The following LMX1B variants were observed in gnomAD, a reference collection of about 807,000 sequenced individuals.
The protein encoded by LMX1B is LIM homeobox transcription factor 1-beta.
Under a neutral mutation model 51.4 loss-of-function variants are expected in LMX1B, and 12 were observed. That is an observed-to-expected ratio of 0.23 (90% CI 0.15 to 0.38). The LOEUF (loss-of-function observed/expected upper bound fraction) is 0.38. Ranked by LOEUF, LMX1B falls within the 10% of genes least tolerant of loss-of-function variation. LMX1B has a pLI of 1.00. For synonymous variants in LMX1B, 237 were observed against 235.4 expected, an observed-to-expected ratio of 1.01 and a Z score of -0.06; for missense variants, 445 against 571.1, an observed-to-expected ratio of 0.78 and a Z score of 2.25.
chr9:126,651,871 A>G (rs1209417810), intron 2 of LMX1B, among the ~76,000 whole-genome samples: 1 of 152,202 alleles, frequency 6.6e-6, no homozygotes, highest in Non-Finnish European at 1.5e-5. Context: ...CCCTATGAGT[A>G]GGACCCTACA....
intron 7 of LMX1B, 68 bp from the exon 8 acceptor site, chr9:126,696,225 CA>C (rs954274606): frequency 1.1e-4 from 159 of 1,470,016 alleles, no homozygotes; most frequent in Non-Finnish European, 1.4e-4. Context: ...ACACAGCCTA[CA>C]GGGCAAACAG....
chr9:126,679,857 C>T (rs1836640941), intron 2 of LMX1B, among the ~76,000 whole-genome samples: 1 of 152,218 alleles, frequency 6.6e-6, no homozygotes, highest in Non-Finnish European at 1.5e-5. Flanking sequence ...CACACATTCC[C>T]ATCCCAGCCC....
At position 126,618,881 on chromosome 9, in the gene LMX1B, G is replaced by A. The variant is rs1835355005; in HGVS notation, c.326+3312G>A. On this transcript the variant is annotated intron_variant, in intron 2 of 7. Transcript: ENST00000373474. The surrounding 1 kb of genome is among the most constrained non-coding windows in gnomAD (Gnocchi z 4.5). ...AGACAGCTCCCAGGTTTGGCGACCCGAGACCCGCTGGGGTGCAAGCGGGCG... is the reference window on the plus strand; with the variant it reads ...AGACAGCTCCCAGGTTTGGCGACCCAAGACCCGCTGGGGTGCAAGCGGGCG... Among the ~76,000 whole-genome samples the A allele has an allele frequency of 6.6e-6, 1 of 152,046 alleles. No homozygotes were observed. Among genetic ancestry groups the A allele is most frequent in the African/African-American group, 2.4e-5 (1 of 41,396 alleles).
rs1042388227 is a variant in LMX1B, at chr9:126,614,048, C to G, written c.-402C>G. ...CCCGGGACCCCGCTGCGCCGCGCGC[C>G]CCCCCCGCGGCCCGCGGGGCCGCCC... is the stretch of plus-strand genomic sequence containing the variant. On this transcript the variant is annotated 5_prime_UTR_variant, in exon 1 of 8. Coordinates refer to ENST00000373474, the MANE Select transcript of LMX1B (RefSeq NM_001174147.2). Among the ~76,000 whole-genome samples the G allele has an allele frequency of 7.4e-6, 1 of 134,274 alleles. No homozygotes were observed. The highest frequency in any genetic ancestry group is 2.7e-5 in the African/African-American group (1 of 37,518). 88.1% of individuals were successfully genotyped at this position (134,274 alleles called of 152,430 possible).
intron 2 of LMX1B, among the ~76,000 whole-genome samples, chr9:126,676,376 C>CT (rs1301313680): frequency 1.3e-5 from 2 of 152,214 alleles, no homozygotes; most frequent in African/African-American, 4.8e-5. Context: ...CTCCCAGTGG[C>CT]TTGTTCGCTG....
rs374516835 is a variant in LMX1B at position 126,618,273 on chromosome 9, G to A, written c.326+2704G>A. 1.5e-4 allele frequency among the ~76,000 whole-genome samples: 23 copies of A among 152,278 alleles called. 1 individual carries two copies. In the South Asian group the frequency reaches 4.8e-3, roughly 32 times the overall value. On this transcript the variant is annotated intron_variant, in intron 2 of 7. Coordinates refer to ENST00000373474, the MANE Select transcript of LMX1B (RefSeq NM_001174147.2). The surrounding 1 kb of genome is among the most constrained non-coding windows in gnomAD (Gnocchi z 4.5). ...AGTTGCAGGGCTCCGTCCTTAAAAA[G>A]AGGTTGCCATTTTTAGTAAATGTCT...
At chr9:126,642,391 AC>A in intron 2 of LMX1B, among the ~76,000 whole-genome samples, 1 of 151,846 alleles carries the variant, frequency 6.6e-6, no homozygotes, top group South Asian at 2.1e-4. Context: ...TCTTTCTTCC[AC>A]CCGCCCTCGG....
At chr9:126,691,517 G>A (rs535966476) in intron 3 of LMX1B, among the ~76,000 whole-genome samples, 10 of 152,232 alleles carry the variant, frequency 6.6e-5, no homozygotes, top group East Asian at 1.9e-4. Flanking sequence ...ACTAAACACC[G>A]GTCCACATGG....
chr9:126,657,716 T>C (rs1836146856), intron 2 of LMX1B, among the ~76,000 whole-genome samples: 1 of 152,228 alleles, frequency 6.6e-6, no homozygotes, highest in Non-Finnish European at 1.5e-5. Context: ...CAGGCAAGCA[T>C]TCGGCCACTA....
intron 2 of LMX1B, among the ~76,000 whole-genome samples, chr9:126,621,644 C>T (rs1205118575): frequency 1.1e-5 from 1 of 92,682 alleles, no homozygotes; most frequent in Non-Finnish European, 2.5e-5. Flanking sequence ...GTTTTTCTCT[C>T]TCTCTCTCTT....
chr9:126,664,478 G>C (rs1007270736), intron 2 of LMX1B, among the ~76,000 whole-genome samples: 1 of 152,224 alleles, frequency 6.6e-6, no homozygotes, highest in Non-Finnish European at 1.5e-5. Context: ...GAGCCAAGAG[G>C]TGTCACCTCC....
At chr9:126,668,585 C>T (rs1836389726) in intron 2 of LMX1B, among the ~76,000 whole-genome samples, 2 of 152,052 alleles carry the variant, frequency 1.3e-5, no homozygotes, top group African/African-American at 2.4e-5. Flanking sequence ...TCCTGAGTAG[C>T]TGGGATTACA....
At chr9:126,693,721 G>C in intron 5 of LMX1B, 25 bp from the exon 6 acceptor site, 1 of 1,567,732 alleles carries the variant, frequency 6.4e-7, no homozygotes, top group South Asian at 1.2e-5. Context: ...GGGCAGCACC[G>C]GCCTGAACTG....
At chr9:126,622,571 G>C (rs1459103774) in intron 2 of LMX1B, among the ~76,000 whole-genome samples, 2 of 152,220 alleles carry the variant, frequency 1.3e-5, no homozygotes, top group Admixed American at 6.5e-5. Context: ...GGTTGGGATG[G>C]GACAAGTTGG....
rs746619440 is a variant in LMX1B at position 126,673,325 on chromosome 9, G to A, written c.327-17511G>A. Among the ~76,000 whole-genome samples, 24 of 152,236 alleles carry A rather than the reference G, an allele frequency of 1.6e-4. No homozygotes were observed. Among genetic ancestry groups the A allele is most frequent in the Admixed American group, 3.3e-4 (5 of 15,298 alleles). On this transcript the variant is annotated intron_variant, in intron 2 of 7. Transcript: ENST00000373474. This position sits in a 1 kb window ranked among gnomAD's most constrained non-coding sequence, Gnocchi z 4.4. ...CCACAGAGGGTAGGGAGGGCTCTGC[G>A]TGCTGCTGGCTGGACTTCCTGGGCG... is the stretch of plus-strand genomic sequence containing the variant.
chr9:126,615,712 C>A lies in LMX1B; in HGVS notation c.326+143C>A, dbSNP rs978239333. The A allele has an allele frequency of 3.4e-5, 25 of 728,330 alleles. No individual in the cohort carries two copies. The highest frequency in any genetic ancestry group is 5.0e-5 in the Non-Finnish European group (24 of 483,184). The allele number at this position is 728,330 out of a possible 1,614,324, so 45.1% of individuals were successfully genotyped here. On this transcript the variant is annotated intron_variant, in intron 2 of 7. Transcript: ENST00000373474. The surrounding 1 kb of genome is among the most constrained non-coding windows in gnomAD (Gnocchi z 6.0). Reference sequence around the variant, plus strand: ...AGCTCCAAGGGTTCCGAGAGCTGCGCGTCTTGGGGCTGGGGCGGACCAGCC... The same window carrying A: ...AGCTCCAAGGGTTCCGAGAGCTGCGAGTCTTGGGGCTGGGGCGGACCAGCC...
At position 126,625,997 on chromosome 9, in the gene LMX1B, A is replaced by G. The variant is rs1466755030; in HGVS notation, c.326+10428A>G. ...AAAACCAAAAGCAAAACCAACACCCAGAAACGAAGCCTGCGTGCCCCCGGG... is the reference window on the plus strand; with the variant it reads ...AAAACCAAAAGCAAAACCAACACCCGGAAACGAAGCCTGCGTGCCCCCGGG... On this transcript the variant is annotated intron_variant, in intron 2 of 7. Coordinates refer to ENST00000373474, the MANE Select transcript of LMX1B (RefSeq NM_001174147.2). The surrounding 1 kb of genome is among the most constrained non-coding windows in gnomAD (Gnocchi z 5.3). Among the ~76,000 whole-genome samples the G allele has an allele frequency of 6.6e-6, 1 of 152,230 alleles. No homozygotes were observed. Among genetic ancestry groups the G allele is most frequent in the Non-Finnish European group, 1.5e-5 (1 of 68,028 alleles).
chr9:126,686,635 A>G (rs932062542), intron 2 of LMX1B, among the ~76,000 whole-genome samples: 5 of 152,178 alleles, frequency 3.3e-5, no homozygotes, highest in African/African-American at 1.2e-4. Flanking sequence ...AAGTCTCAGG[A>G]AGAGACAGAC....
At chr9:126,617,752 C>T (rs1435412977) in intron 2 of LMX1B, among the ~76,000 whole-genome samples, 1 of 152,080 alleles carries the variant, frequency 6.6e-6, no homozygotes. Context: ...ATCTCAGGTC[C>T]GAAGACCTCA....
Sources: gnomAD v4.1 joint callset for allele counts (sites outside exome capture counted in the v4.1 genomes callset) on GRCh38, gnomAD v4.1.1 for gene constraint, Gnocchi (gnomAD v3.1) non-coding constraint, MANE v1.5 for transcripts, NCBI Gene and HGNC (gene_info 2026-07-23, HGNC 2026-07-21) for gene names.